The following LAMB2 variants were observed in gnomAD, a reference collection of about 807,000 sequenced individuals.
The protein encoded by LAMB2 is laminin subunit beta 2, also known as laminin subunit beta-2.
In LAMB2, 119 loss-of-function variants were observed where a neutral mutation model predicts 202.7. The ratio of observed to expected loss-of-function variants is 0.59; its 90% CI spans 0.51 to 0.68. The LOEUF (loss-of-function observed/expected upper bound fraction) is 0.68, where lower values mean the gene tolerates loss of function less well. Among genes scored for constraint, LAMB2 ranks in the 30% least tolerant of loss-of-function variants. The pLI is 0.00. For synonymous variants in LAMB2, 818 were observed against 902.2 expected, an observed-to-expected ratio of 0.91 and a Z score of 1.67; for missense variants, 2,124 against 2,410.6, an observed-to-expected ratio of 0.88 and a Z score of 2.49.
chr3:49,128,018 C>CAAAAAAAAAAAAAAAA (rs1156873652), intron 15 of LAMB2, among the ~76,000 whole-genome samples: 2 of 32,880 alleles, frequency 6.1e-5, no homozygotes, highest in Non-Finnish European at 1.2e-4. Context: ...GACTCCGTCT[C>CAAAAAAAAAAAAAAAA]AAAAAAAAAA....
chr3:49,124,537 C>T lies in LAMB2; in HGVS notation c.3185G>A (p.Ser1062Asn). 6.2e-7 allele frequency: 1 copy of T among 1,613,864 alleles called. No individual in the cohort carries two copies. Among genetic ancestry groups the T allele is most frequent in the Non-Finnish European group, 8.5e-7 (1 of 1,180,026 alleles). ...SPDQCHCDPS[S>N]GQCPCLPNVQ... Reference sequence around the variant, plus strand: ...ATTGGGGAGGCATGGGCACTGCCCACTGCTTGGATCACAGTGGCACTGGTC... The same window carrying T: ...ATTGGGGAGGCATGGGCACTGCCCATTGCTTGGATCACAGTGGCACTGGTC... The change falls in exon 22 of 32, where the codon AGT becomes AAT. Residue 1062 changes from serine to asparagine, a missense_variant. Physicochemically the swap from Ser to Asn is conservative, Grantham distance 46. This residue lies in a region of LAMB2 where 1,702 missense variants were observed against 1,896.3 expected (regional missense o/e 0.90). Transcript: ENST00000305544.
In LAMB2 at chr3:49,121,520, G is replaced by C. The variant is rs763346168; in HGVS notation, c.5173C>G (p.Leu1725Val). Reference protein sequence around the residue: ...ALAERKAQGVLAAQARAEQLR... With the variant: ...ALAERKAQGVVAAQARAEQLR... ...TGTTCTGCCCTTGCCTGTGCAGCCA[G>C]CACACCTTGGGCCTTGCGCTCAGCT... Residue 1725 changes from leucine (L) to valine (V), a missense_variant, in exon 31 of 32, where the codon CTG becomes GTG. By Grantham distance (32) the Leu-to-Val change is conservative. This residue lies in a region of LAMB2 where 1,702 missense variants were observed against 1,896.3 expected (regional missense o/e 0.90). Coordinates refer to ENST00000305544, the MANE Select transcript of LAMB2 (RefSeq NM_002292.4). The C allele has an allele frequency of 1.5e-5, 24 of 1,613,964 alleles. No individual in the cohort carries two copies. The highest frequency in any genetic ancestry group is 1.6e-4 in the Middle Eastern group (1 of 6,084).
At position 49,125,315 on chromosome 3, in the gene LAMB2, G is replaced by A. The variant is rs1347208822; in HGVS notation, c.2658C>T (p.Cys886=). Residue 886 remains cysteine, a synonymous_variant, in exon 19 of 32, where the codon TGC becomes TGT. Coordinates refer to ENST00000305544, the MANE Select transcript of LAMB2 (RefSeq NM_002292.4). ...CCAGGCAAGCGCCTGTGTGGGTGTT[G>A]CACTCATCTGCATGCCCATTGCAGA... ...PCVCNGHADE[C]NTHTGACLGC... 1 of 1,614,056 alleles carries A rather than the reference G, an allele frequency of 6.2e-7. No homozygotes were observed. Among genetic ancestry groups the A allele is most frequent in the Non-Finnish European group, 8.5e-7 (1 of 1,180,050 alleles).
At chr3:49,125,520 A>G (rs2045403575) in intron 18 of LAMB2, 36 bp from the exon 19 acceptor site, 2 of 756,516 alleles carry the variant, frequency 2.6e-6, no homozygotes, top group Non-Finnish European at 4.1e-6. Context: ...GAGCCAGGGG[A>G]GGGGGTCTGA....
Position 49,121,834 on chromosome 3 carries a change from C to G in LAMB2, c.4950G>C (p.Glu1650Asp). ...YQVQERMAGA[E>D]RALSSAGERA... ...TTTCACCTGCAGAGCTCAGTGCCCGCTCTGCACCTGCCATCCTCTCCTGTA... is the reference window on the plus strand; with the variant it reads ...TTTCACCTGCAGAGCTCAGTGCCCGGTCTGCACCTGCCATCCTCTCCTGTA... Residue 1650 changes from glutamate to aspartate, a missense_variant, in exon 30 of 32, where the codon GAG (glutamate) becomes GAC (aspartate). This residue lies in a region of LAMB2 where 1,702 missense variants were observed against 1,896.3 expected (regional missense o/e 0.90). Coordinates refer to ENST00000305544, the MANE Select transcript of LAMB2 (RefSeq NM_002292.4). 1 of 1,613,120 alleles carries G rather than the reference C, an allele frequency of 6.2e-7. No homozygotes were observed. Among genetic ancestry groups the G allele is most frequent in the Non-Finnish European group, 8.5e-7 (1 of 1,180,022 alleles).
Position 49,130,426 on chromosome 3 carries a change from G to A in LAMB2, c.1037-7C>T. ...TGCCCATGGCACTCACACTCTGGCA[G>A]GGGAGGAAGGGCAGGGCAAAGGCCA... On this transcript the variant is annotated splice_region_variant and splice_polypyrimidine_tract_variant and intron_variant, in intron 8 of 31. Coordinates refer to ENST00000305544, the MANE Select transcript of LAMB2 (RefSeq NM_002292.4). The surrounding 1 kb of genome is among the most constrained non-coding windows in gnomAD (Gnocchi z 5.0). 2 of 1,613,942 alleles carry A rather than the reference G, an allele frequency of 1.2e-6. No individual in the cohort carries two copies. The highest frequency in any genetic ancestry group is 1.7e-5 in the Admixed American group (1 of 60,028).
Position 49,130,620 on chromosome 3 carries a change from T to C in LAMB2, c.1036+120A>G. 1 of 1,498,086 alleles carries C rather than the reference T, an allele frequency of 6.7e-7. No individual in the cohort carries two copies. The allele number at this position is 1,498,086 out of a possible 1,614,324, so 92.8% of individuals were successfully genotyped here. ...GAGGGGGTCCCAAGGGGCATCAAGGTCTGCATACTCTTTGGATACAGCCTG... is the reference window on the plus strand; with the variant it reads ...GAGGGGGTCCCAAGGGGCATCAAGGCCTGCATACTCTTTGGATACAGCCTG... On this transcript the variant is annotated intron_variant, in intron 8 of 31. Coordinates refer to ENST00000305544, the MANE Select transcript of LAMB2 (RefSeq NM_002292.4). This position sits in a 1 kb window ranked among gnomAD's most constrained non-coding sequence, Gnocchi z 5.0.
Position 49,132,956 on chromosome 3 carries a change from T to A in LAMB2, c.-89A>T. 8.4e-7 allele frequency: 1 copy of A among 1,185,770 alleles called. No homozygotes were observed. Among genetic ancestry groups the A allele is most frequent in the Non-Finnish European group, 1.3e-6 (1 of 798,206 alleles). 73.5% of individuals were successfully genotyped at this position (1,185,770 alleles called of 1,614,324 possible). A position where few individuals can be genotyped will look rare whatever the true frequency, so the allele number is the denominator to read the frequency against. On this transcript the variant is annotated 5_prime_UTR_variant, in exon 1 of 32. Transcript: ENST00000305544. The surrounding 1 kb of genome is among the most constrained non-coding windows in gnomAD (Gnocchi z 4.6). ...TTTGGGGTTCCGTGTCAACTCTGCC[T>A]GTGGGTCTTTGGCCTGTTTCCCTCC...
chr3:49,128,537 G>T lies in LAMB2; in HGVS notation c.1939C>A (p.Pro647Thr). 6.2e-7 allele frequency: 1 copy of T among 1,614,224 alleles called. No individual in the cohort carries two copies. Among genetic ancestry groups the T allele is most frequent in the Non-Finnish European group, 8.5e-7 (1 of 1,180,042 alleles). Reference protein sequence around the residue: ...ELELIVQRPGPVPAHSLCGHL... With the variant: ...ELELIVQRPGTVPAHSLCGHL... The stretch of plus-strand genomic sequence containing the variant: ...CCACACAGGCTGTGGGCAGGCACAG[G>T]CCCTGGACGCTGCACAATCAGTTCC... Residue 647 changes from proline (P) to threonine (T), a missense_variant, in exon 15 of 32, where the codon CCT (proline) becomes ACT (threonine). Transcript: ENST00000305544.
In LAMB2 at chr3:49,129,808, C is replaced by T. The variant is rs757297415; in HGVS notation, c.1405+31G>A. 9 of 1,613,406 alleles carry T rather than the reference C, an allele frequency of 5.6e-6. No individual in the cohort carries two copies. In the South Asian group the frequency reaches 9.9e-5, roughly 18 times the overall value. The stretch of plus-strand genomic sequence containing the variant: ...GAGTAAGAGGACAGGGGTTAAAGGT[C>T]AGCATAGAAGTTAGGGCAGGAGACA... On this transcript the variant is annotated intron_variant, in intron 10 of 31. Coordinates refer to ENST00000305544, the MANE Select transcript of LAMB2 (RefSeq NM_002292.4). This position sits in a 1 kb window ranked among gnomAD's most constrained non-coding sequence, Gnocchi z 6.1.
Position 49,122,991 on chromosome 3 carries a change from C to G in LAMB2, c.4286G>C (p.Arg1429Pro). ...ATSPCGGAGC[R>P]DEDGQPRCGG... is the part of the protein sequence containing the mutation. ...ACAGCGCGGCTGCCCATCCTCATCT[C>G]GACAGCCGGCACCCCCACAAGGGCT... The change falls in exon 27 of 32, where the codon CGA becomes CCA. Residue 1429 changes from arginine to proline, a missense_variant. Physicochemically the swap from Arg to Pro is moderately radical, Grantham distance 103 (BLOSUM62 -2). Coordinates refer to ENST00000305544, the MANE Select transcript of LAMB2 (RefSeq NM_002292.4). The G allele has an allele frequency of 6.2e-7, 1 of 1,608,848 alleles. No homozygotes were observed. The highest frequency in any genetic ancestry group is 8.5e-7 in the Non-Finnish European group (1 of 1,179,950).
rs1490596605 is a variant in LAMB2, at chr3:49,132,456, C to G, written c.249+35G>C. 1 of 1,614,182 alleles carries G rather than the reference C, an allele frequency of 6.2e-7. No individual in the cohort carries two copies. On this transcript the variant is annotated intron_variant, in intron 2 of 31. Coordinates refer to ENST00000305544, the MANE Select transcript of LAMB2 (RefSeq NM_002292.4). The surrounding 1 kb of genome is among the most constrained non-coding windows in gnomAD (Gnocchi z 4.6). ...GTGCCTCAGGCAGTGCCAGCCCCAC[C>G]CTGACTCGGCGTCACACCCTGTCCC... is the stretch of plus-strand genomic sequence containing the variant.
rs752164195 is a variant in LAMB2, at chr3:49,129,205, CT to C, written c.1598+39del. The C allele has an allele frequency of 1.2e-6, 2 of 1,614,156 alleles. No homozygotes were observed. The highest frequency in any genetic ancestry group is 2.7e-5 in the African/African-American group (2 of 75,056). On this transcript the variant is annotated intron_variant, in intron 12 of 31. Coordinates refer to ENST00000305544, the MANE Select transcript of LAMB2 (RefSeq NM_002292.4). This position sits in a 1 kb window ranked among gnomAD's most constrained non-coding sequence, Gnocchi z 6.1. Reference sequence around the variant, plus strand: ...AAGAACCTTCTCTTCTGCTCAGGATCTTTCCCCATCCCTTCCCAGGCCCCCT... The same window carrying C: ...AAGAACCTTCTCTTCTGCTCAGGATCTTCCCCATCCCTTCCCAGGCCCCCT...
chr3:49,121,301 G>T lies in LAMB2; in HGVS notation c.5322C>A (p.Asp1774Glu), dbSNP rs1286963058. 1 of 1,613,314 alleles carries T rather than the reference G, an allele frequency of 6.2e-7. No homozygotes were observed. The highest frequency in any genetic ancestry group is 1.3e-5 in the African/African-American group (1 of 74,910). ...CGCTGCGCATCCTGGCCTCCAACCC[G>T]TCCAACTGGGCTGCCTTACTCTCCA... ...RALESKAAQL[D>E]GLEARMRSVL... The change falls in exon 32 of 32, where the codon GAC becomes GAA. Residue 1774 changes from aspartate to glutamate, a missense_variant. By Grantham distance (45) the Asp-to-Glu change is conservative. Around this residue, in one of 3 missense-constraint regions of LAMB2, gnomAD observed 1,702 missense variants for 1,896.3 expected, o/e 0.90. Transcript: ENST00000305544.
rs779317615 is a variant in LAMB2, at chr3:49,132,490, C to T, written c.249+1G>A. ...GCGTCACACCCTGTCCCCAGCCACA[C>T]CTGCAGGTGACTGACGATGCAGTAG... On this transcript the variant is annotated splice_donor_variant, in intron 2 of 31. Coordinates refer to ENST00000305544, the MANE Select transcript of LAMB2 (RefSeq NM_002292.4). LOFTEE classifies it high-confidence loss of function. This position sits in a 1 kb window ranked among gnomAD's most constrained non-coding sequence, Gnocchi z 4.6. 17 of 1,614,062 alleles carry T rather than the reference C, an allele frequency of 1.1e-5. No individual in the cohort carries two copies. The highest frequency in any genetic ancestry group is 2.2e-5 in the East Asian group (1 of 44,884).
Position 49,129,928 on chromosome 3 carries a change from C to T in LAMB2, c.1316G>A (p.Arg439His), listed in dbSNP as rs751454480. The change falls in exon 10 of 32, where the codon CGC (arginine) becomes CAC (histidine). Residue 439 changes from arginine to histidine, a missense_variant. Transcript: ENST00000305544. This position sits in a 1 kb window ranked among gnomAD's most constrained non-coding sequence, Gnocchi z 6.1. ...PALGLVSGQC[R>H]CKEHVVGTRC... Reference sequence around the variant, plus strand: ...AGTGCCCACCACATGTTCTTTGCAGCGACACTGGCCGGAGACCAGTCCCAG... The same window carrying T: ...AGTGCCCACCACATGTTCTTTGCAGTGACACTGGCCGGAGACCAGTCCCAG... 3.1e-6 allele frequency: 5 copies of T among 1,613,918 alleles called. No individual in the cohort carries two copies. Among genetic ancestry groups the T allele is most frequent in the African/African-American group, 1.3e-5 (1 of 74,912 alleles).
At chr3:49,127,817 G>A (rs375574566) in intron 15 of LAMB2, among the ~76,000 whole-genome samples, 3 of 151,846 alleles carry the variant, frequency 2.0e-5, no homozygotes, top group Admixed American at 1.3e-4. Context: ...TCAGAAGATC[G>A]AGGCCATCCT....
At position 49,125,905 on chromosome 3, in the gene LAMB2, G is replaced by A. The variant is rs939296164; in HGVS notation, c.2345-15C>T. On this transcript the variant is annotated splice_polypyrimidine_tract_variant and intron_variant, in intron 17 of 31. Transcript: ENST00000305544. Reference sequence around the variant, plus strand: ...GCACTGACATGCTGTGGGGAGGAGGGTTGGGCCAAGTCAGGCTGGGTCCCC... The same window carrying A: ...GCACTGACATGCTGTGGGGAGGAGGATTGGGCCAAGTCAGGCTGGGTCCCC... The A allele has an allele frequency of 3.1e-6, 5 of 1,614,092 alleles. No individual in the cohort carries two copies. The highest frequency in any genetic ancestry group is 2.2e-5 in the East Asian group (1 of 44,876).
Position 49,132,155 on chromosome 3 carries a change from C to T in LAMB2, c.420G>A (p.Glu140=). Residue 140 remains glutamate, a synonymous_variant, in exon 4 of 32, where the codon GAG becomes GAA. Coordinates refer to ENST00000305544, the MANE Select transcript of LAMB2 (RefSeq NM_002292.4). The surrounding 1 kb of genome is among the most constrained non-coding windows in gnomAD (Gnocchi z 4.6). ...IPAVTIQLDL[E]AEFHFTHLIM... is the part of the protein sequence containing the mutation. ...TGAGGTGTGTGAAATGAAACTCAGCCTCCAGGTCCAGCTGGATGGTGACCG... is the reference window on the plus strand; with the variant it reads ...TGAGGTGTGTGAAATGAAACTCAGCTTCCAGGTCCAGCTGGATGGTGACCG... The T allele has an allele frequency of 6.2e-7, 1 of 1,614,206 alleles. No individual in the cohort carries two copies. The highest frequency in any genetic ancestry group is 2.2e-5 in the East Asian group (1 of 44,876).
Sources: allele counts gnomAD v4.1 joint callset (sites outside exome capture counted in the v4.1 genomes callset), GRCh38; gene constraint gnomAD v4.1.1; regional missense constraint gnomAD v4.1.1; non-coding constraint Gnocchi (gnomAD v3.1); transcripts MANE v1.5; gene names NCBI Gene and HGNC (gene_info 2026-07-23, HGNC 2026-07-21).